EDRF1: variants seen among roughly 807,000 people sequenced by gnomAD.
EDRF1 encodes erythroid differentiation-related factor 1.
In EDRF1, 69 loss-of-function variants were observed where a neutral mutation model predicts 148.7. The ratio of observed to expected loss-of-function variants is 0.46; its 90% CI spans 0.38 to 0.57. The LOEUF (loss-of-function observed/expected upper bound fraction) is 0.57, where lower values mean the gene tolerates loss of function less well. Ranked by LOEUF, EDRF1 falls within the 20% of genes least tolerant of loss-of-function variation. The probability of loss-of-function intolerance (pLI) is 0.00; values close to 1 mark genes in which losing one functional copy is unlikely to be tolerated. For missense variants in EDRF1, 1,118 were observed against 1,478.7 expected (o/e 0.76, Z 4.00); for synonymous variants, 515 against 532.8 (o/e 0.97, Z 0.46).
chr10:125,735,970 G>C (rs928786844), intron 13 of EDRF1, 66 bp downstream of exon 13: 33 of 1,426,210 alleles, frequency 2.3e-5, no homozygotes, highest in Admixed American at 7.2e-5. Flanking sequence ...AATATAGTTA[G>C]CCTTTCAAAA....
At chr10:125,753,956 C>A in intron 24 of EDRF1, 111 bp downstream of exon 24, 1 of 1,199,348 alleles carries the variant, frequency 8.3e-7, no homozygotes, top group Non-Finnish European at 1.2e-6. Flanking sequence ...TGGCTCACAC[C>A]TGCAATCCCA....
chr10:125,761,748 G>T (rs1248076878), intron 24 of EDRF1, among the ~76,000 whole-genome samples: 2 of 152,190 alleles, frequency 1.3e-5, no homozygotes, highest in Non-Finnish European at 2.9e-5. Context: ...CAAATCAAAA[G>T]ATTTTAAGTT....
chr10:125,761,316 T>A (rs1252886228), intron 24 of EDRF1: 1 of 258,816 alleles, frequency 3.9e-6, no homozygotes, highest in Non-Finnish European at 7.9e-6. Context: ...AGGCCAAAGG[T>A]TTTCTCTTTT....
In EDRF1 at chr10:125,735,885, A is replaced by C; in HGVS notation, c.1739A>C (p.Lys580Thr). Residue 580 changes from lysine to threonine, a missense_variant, in exon 13 of 25, where the codon AAA becomes ACA. This residue lies in a region of EDRF1 where 954 missense variants were observed against 1,241.4 expected (regional missense o/e 0.77). Coordinates refer to ENST00000356792, the MANE Select transcript of EDRF1 (RefSeq NM_001202438.2). ...GAACTATCAGTACCAGAAAAATACA[A>C]ATCTATTCATCAAATCAGAGTAAGC... ...VGELSVPEKY[K>T]SIHQIRPSCA... 1 of 1,609,424 alleles carries C rather than the reference A, an allele frequency of 6.2e-7. No homozygotes were observed. The highest frequency in any genetic ancestry group is 8.5e-7 in the Non-Finnish European group (1 of 1,176,600).
intron 9 of EDRF1, among the ~76,000 whole-genome samples, chr10:125,730,961 T>C (rs1848458216): frequency 6.6e-6 from 1 of 152,088 alleles, no homozygotes; most frequent in Non-Finnish European, 1.5e-5. Flanking sequence ...CTGGGCAACG[T>C]AGTGAGACCC....
intron 18 of EDRF1, 133 bp from the exon 19 acceptor site, chr10:125,745,574 T>C: frequency 1.2e-6 from 1 of 831,678 alleles, no homozygotes; most frequent in Non-Finnish European, 2.0e-6. Flanking sequence ...CAATGAGCCG[T>C]GGTTGACTGC....
chr10:125,740,650 T>C lies in EDRF1; in HGVS notation c.2169T>C (p.His723=), dbSNP rs202053777. 3.7e-5 allele frequency: 60 copies of C among 1,613,014 alleles called. No homozygotes were observed. Among genetic ancestry groups the C allele is most frequent in the Admixed American group, 1.3e-4 (8 of 60,008 alleles). Residue 723 remains histidine, a splice_region_variant and synonymous_variant, in exon 16 of 25, where the codon CAT becomes CAC. Transcript: ENST00000356792. ...LRYIKLALQS[H]DTYCCLCTNM... ...ACATTAAATTAGCTTTGCAAAGCCATGGTAAGCCACTATAAATGAATATGT... is the reference window on the plus strand; with the variant it reads ...ACATTAAATTAGCTTTGCAAAGCCACGGTAAGCCACTATAAATGAATATGT...
chr10:125,720,014 T>A, intron 1 of EDRF1, 99 bp downstream of exon 1: 1 of 1,080,552 alleles, frequency 9.3e-7, no homozygotes. Flanking sequence ...TCTGGAGGCT[T>A]CTCCATGTTT....
chr10:125,753,540 C>G (rs1849745994), intron 23 of EDRF1, among the ~76,000 whole-genome samples, 154 bp from the exon 24 acceptor site: 1 of 152,176 alleles, frequency 6.6e-6, no homozygotes, highest in South Asian at 2.1e-4. Context: ...GTGTTTTAGT[C>G]TATCAAAATG....
chr10:125,728,926 G>C, intron 6 of EDRF1, 77 bp from the exon 7 acceptor site: 4 of 1,090,912 alleles, frequency 3.7e-6, no homozygotes, highest in Non-Finnish European at 5.2e-6. Context: ...TGAATATTTA[G>C]GTGATACTCT....
chr10:125,729,313 TAC>T, intron 7 of EDRF1, 43 bp from the exon 8 acceptor site: 1 of 1,606,490 alleles, frequency 6.2e-7, no homozygotes, highest in Non-Finnish European at 8.5e-7. Flanking sequence ...GGGGGGAAAT[TAC>T]AGATTGACTG....
chr10:125,740,381 C>T lies in EDRF1; in HGVS notation c.1982-82C>T. ...TCACCTAAGTCTAGAGTGTTTCCAT[C>T]AAGAAACAGAAAATATTTTTTGTGC... On this transcript the variant is annotated intron_variant, in intron 15 of 24. Coordinates refer to ENST00000356792, the MANE Select transcript of EDRF1 (RefSeq NM_001202438.2). The T allele has an allele frequency of 2.1e-6, 3 of 1,398,860 alleles. No homozygotes were observed. The South Asian group carries it at 3.6e-5, about 17-fold the overall frequency. The allele number at this position is 1,398,860 out of a possible 1,614,324, so 86.7% of individuals were successfully genotyped here.
chr10:125,733,188 A>G (rs1848554787), intron 9 of EDRF1, among the ~76,000 whole-genome samples: 1 of 152,154 alleles, frequency 6.6e-6, no homozygotes, highest in African/African-American at 2.4e-5. Flanking sequence ...CTCCATTGAA[A>G]TTACTCCAAT....
At chr10:125,742,765 T>C (rs2133725595) in intron 17 of EDRF1, 2 of 984,930 alleles carry the variant, frequency 2.0e-6, no homozygotes, top group Non-Finnish European at 2.4e-6. Flanking sequence ...TGGACAACTT[T>C]AGGTCCATTC....
chr10:125,757,648 A>G (rs1157598449), intron 24 of EDRF1, among the ~76,000 whole-genome samples: 1 of 152,162 alleles, frequency 6.6e-6, no homozygotes, highest in Non-Finnish European at 1.5e-5. Context: ...TATCTTTTCA[A>G]TTGAGAGAGT....
intron 1 of EDRF1, among the ~76,000 whole-genome samples, chr10:125,720,583 G>A (rs1024481871): frequency 5.3e-5 from 8 of 152,168 alleles, no homozygotes; most frequent in African/African-American, 1.9e-4. Context: ...GCCGAGGTGG[G>A]TGGATCACCT....
chr10:125,728,909 T>G, intron 6 of EDRF1, 94 bp from the exon 7 acceptor site: 12 of 934,272 alleles, frequency 1.3e-5, no homozygotes, highest in Non-Finnish European at 1.7e-5. Context: ...ATTTGAAGTG[T>G]GTGCTTTGAA....
At chr10:125,761,949 T>TC (rs1850211987) in intron 24 of EDRF1, among the ~76,000 whole-genome samples, 1 of 152,152 alleles carries the variant, frequency 6.6e-6, no homozygotes, top group Non-Finnish European at 1.5e-5. Flanking sequence ...GACTGTTAAC[T>TC]CCCCACAAAA....
At chr10:125,737,330 C>T (rs998248357) in intron 13 of EDRF1, among the ~76,000 whole-genome samples, 2 of 152,176 alleles carry the variant, frequency 1.3e-5, no homozygotes, top group East Asian at 3.8e-4. Context: ...GTTAGCCTTT[C>T]CTTATCCTCA....
Sources: allele counts gnomAD v4.1 joint callset (sites outside exome capture counted in the v4.1 genomes callset), GRCh38; gene constraint gnomAD v4.1.1; regional missense constraint gnomAD v4.1.1; transcripts MANE v1.5; gene names NCBI Gene and HGNC (gene_info 2026-07-23, HGNC 2026-07-21).